Variants in EXOC1 observed in about 807,000 individuals in gnomAD.
The protein encoded by EXOC1 is SEC3-like 1.
EXOC1 carries 67 observed loss-of-function variants against 107.7 expected under a neutral mutation model. The ratio of observed to expected loss-of-function variants is 0.62; its 90% CI spans 0.51 to 0.76. The LOEUF is 0.76. EXOC1 is among the 30% of genes least tolerant of loss of function. EXOC1 has a pLI of 0.00. For synonymous variants in EXOC1, 348 were observed against 353.5 expected (o/e 0.98, Z 0.17); for missense variants, 833 against 1,055.7 (o/e 0.79, Z 2.92).
intron 10 of EXOC1, chr4:55,885,796 C>T (rs1489024825): frequency 5.9e-5 from 9 of 152,090 alleles, no homozygotes; most frequent in Non-Finnish European, 8.8e-5. Flanking sequence ...GTTTGAAAAT[C>T]CAACTTTTAG....
At chr4:55,865,150 T>C (rs535349659) in intron 4 of EXOC1, among the ~76,000 whole-genome samples, 1 of 152,314 alleles carries the variant, frequency 6.6e-6, no homozygotes, top group African/African-American at 2.4e-5. Context: ...GCTATTATTA[T>C]GTTACCAGTA....
At chr4:55,884,779 C>G (rs998201163) in intron 10 of EXOC1, among the ~76,000 whole-genome samples, 8 of 152,200 alleles carry the variant, frequency 5.3e-5, no homozygotes, top group Middle Eastern at 3.4e-3. Context: ...AGCCTATGCC[C>G]TAAGCAACTT....
chr4:55,870,418 T>A (rs1722319651), intron 5 of EXOC1, among the ~76,000 whole-genome samples: 1 of 152,228 alleles, frequency 6.6e-6, no homozygotes, highest in Non-Finnish European at 1.5e-5. Flanking sequence ...TTGTGCAGTC[T>A]GTGGAAATAT....
intron 8 of EXOC1, chr4:55,872,942 T>A: frequency 4.6e-6 from 1 of 216,472 alleles, no homozygotes; most frequent in Non-Finnish European, 7.9e-6. Flanking sequence ...ACCACATTCG[T>A]AGCAGTTTTT....
intron 8 of EXOC1, chr4:55,875,723 A>G (rs993873355): frequency 1.2e-4 from 120 of 985,254 alleles, no homozygotes; most frequent in Non-Finnish European, 1.3e-4. Context: ...TTTGTATGAT[A>G]TAAGTCTGTC....
chr4:55,874,867 T>C (rs1722751068), intron 8 of EXOC1, among the ~76,000 whole-genome samples: 1 of 151,958 alleles, frequency 6.6e-6, no homozygotes, highest in Admixed American at 6.6e-5. Flanking sequence ...AACAGTCAAA[T>C]TAAGGCTAAT....
chr4:55,890,206 GT>G lies in EXOC1; in HGVS notation c.1376-13del. On this transcript the variant is annotated splice_polypyrimidine_tract_variant and intron_variant, in intron 11 of 18. Transcript: ENST00000381295. ...ATTTGTGAAGATCACAACTTTCAAA[GT>G]TTTATTATTTCTTAGGTCTTCATGG... The G allele has an allele frequency of 6.2e-7, 1 of 1,612,452 alleles. No individual in the cohort carries two copies. The highest frequency in any genetic ancestry group is 8.5e-7 in the Non-Finnish European group (1 of 1,178,922).
intron 8 of EXOC1, among the ~76,000 whole-genome samples, chr4:55,873,676 G>C (rs1401958331): frequency 1.3e-5 from 2 of 152,118 alleles, no homozygotes; most frequent in Non-Finnish European, 1.5e-5. Context: ...TTAAAAATCA[G>C]AACGCTGCGA....
intron 12 of EXOC1, 144 bp downstream of exon 12, chr4:55,890,530 GGAA>G: frequency 2.8e-6 from 1 of 361,236 alleles, no homozygotes; most frequent in Non-Finnish European, 4.7e-6. Context: ...ATCGAATCTG[GGAA>G]AAAAAAAAAA....
At chr4:55,871,006 A>G in intron 6 of EXOC1, 95 bp from the exon 7 acceptor site, 1 of 1,552,612 alleles carries the variant, frequency 6.4e-7, no homozygotes, top group Non-Finnish European at 8.7e-7. Context: ...AGGATTTAAA[A>G]TAATTCCAAA....
chr4:55,859,359 G>C (rs1361205859), intron 2 of EXOC1, among the ~76,000 whole-genome samples: 1 of 152,038 alleles, frequency 6.6e-6, no homozygotes, highest in Non-Finnish European at 1.5e-5. Flanking sequence ...ATTTACTCCT[G>C]AGTATTGGTT....
chr4:55,876,055 T>C, intron 8 of EXOC1: 1 of 984,534 alleles, frequency 1.0e-6, no homozygotes, highest in Non-Finnish European at 1.2e-6. Context: ...ATTTCTGTAA[T>C]AGAATGTTTA....
chr4:55,904,415 T>TA lies in EXOC1; in HGVS notation c.2606dup (p.Tyr869Ter). ...KHFEGLIARC[Y>*]PGSGVTMEFT... is the part of the protein sequence containing the mutation. ...CTTTGAAGGTTTGATAGCTCGCTGTTATCCTGGATCTGGTGTTACAATGGA... is the reference window on the plus strand; with the variant it reads ...CTTTGAAGGTTTGATAGCTCGCTGTTAATCCTGGATCTGGTGTTACAATGGA... The change falls in exon 19 of 19, where the codon TAT (tyrosine) becomes TAAT (stop). Residue 869 changes from tyrosine to a stop codon, truncating the protein, a stop_gained and frameshift_variant. Transcript: ENST00000381295. LOFTEE classifies it high-confidence loss of function. 6.2e-7 allele frequency: 1 copy of TA among 1,613,278 alleles called. No individual in the cohort carries two copies. The highest frequency in any genetic ancestry group is 8.5e-7 in the Non-Finnish European group (1 of 1,179,796).
intron 9 of EXOC1, chr4:55,883,192 A>G (rs1406936782): frequency 6.6e-6 from 1 of 152,192 alleles, no homozygotes; most frequent in Non-Finnish European, 1.5e-5. Flanking sequence ...TAATATCCCA[A>G]GCTGGCAGAG....
chr4:55,885,713 C>T (rs1723811695), intron 10 of EXOC1: 1 of 152,100 alleles, frequency 6.6e-6, no homozygotes, highest in Non-Finnish European at 1.5e-5. Context: ...ATGAAAATTA[C>T]AGTATCAATT....
At chr4:55,874,429 C>G (rs1177106710) in intron 8 of EXOC1, among the ~76,000 whole-genome samples, 1 of 151,974 alleles carries the variant, frequency 6.6e-6, no homozygotes, top group Admixed American at 6.6e-5. Flanking sequence ...GACATTTTGG[C>G]ACTAAAAGAA....
chr4:55,859,201 C>T (rs540084881), intron 2 of EXOC1, among the ~76,000 whole-genome samples: 2 of 152,152 alleles, frequency 1.3e-5, no homozygotes, highest in East Asian at 3.9e-4. Context: ...TTGTTTTGAA[C>T]CTATAGTTCA....
At chr4:55,878,514 T>A (rs952332002) in intron 9 of EXOC1, among the ~76,000 whole-genome samples, 31 of 152,286 alleles carry the variant, frequency 2.0e-4, no homozygotes, top group African/African-American at 7.5e-4. Context: ...GCGCTTTAGA[T>A]CTGACTGGGA....
At chr4:55,855,975 C>T (rs1363002684) in intron 1 of EXOC1, among the ~76,000 whole-genome samples, 1 of 152,178 alleles carries the variant, frequency 6.6e-6, no homozygotes, top group Non-Finnish European at 1.5e-5. Context: ...TTTATATCCT[C>T]TGCAAGGTAG....
Sources: allele counts gnomAD v4.1 joint callset (sites outside exome capture counted in the v4.1 genomes callset), GRCh38; gene constraint gnomAD v4.1.1; transcripts MANE v1.5; gene names NCBI Gene and HGNC (gene_info 2026-07-23, HGNC 2026-07-21).